MARCHF1: variants seen among roughly 807,000 people sequenced by gnomAD.
The protein encoded by MARCHF1 is membrane associated ring-CH-type finger 1.
MARCHF1 carries 40 observed loss-of-function variants against 54.2 expected under a neutral mutation model. The ratio of observed to expected loss-of-function variants is 0.74; its 90% CI spans 0.57 to 0.96. The LOEUF is 0.96. Ranked by LOEUF, MARCHF1 falls within the 40% of genes least tolerant of loss-of-function variation. The pLI is 0.00. For missense variants in MARCHF1, 586 were observed against 656.5 expected, an observed-to-expected ratio of 0.89 and a Z score of 1.17; for synonymous variants, 236 against 236.3, an observed-to-expected ratio of 1.00 and a Z score of 0.01.
chr4:164,197,083 T>C (rs765968898), intron 1 of MARCHF1: 1 of 1,606,770 alleles, frequency 6.2e-7, no homozygotes, highest in South Asian at 1.1e-5. Flanking sequence ...TCCATCGTTA[T>C]AACCTTCTTC....
At chr4:164,125,250 T>C (rs1756154294) in intron 1 of MARCHF1, among the ~76,000 whole-genome samples, 1 of 152,120 alleles carries the variant, frequency 6.6e-6, no homozygotes, top group South Asian at 2.1e-4. Context: ...CATGATCATC[T>C]CCATAAGTTC....
intron 1 of MARCHF1, among the ~76,000 whole-genome samples, chr4:164,176,799 G>A (rs1730674610): frequency 6.6e-6 from 1 of 151,278 alleles, no homozygotes; most frequent in Non-Finnish European, 1.5e-5. Context: ...CAAGCAATAG[G>A]TTTCTCAGGA....
At chr4:163,881,117 C>T (rs1750405688) in intron 3 of MARCHF1, among the ~76,000 whole-genome samples, 1 of 152,186 alleles carries the variant, frequency 6.6e-6, no homozygotes, top group Admixed American at 6.5e-5. Flanking sequence ...TTCATGATCT[C>T]ATCACATCCA....
intron 1 of MARCHF1, among the ~76,000 whole-genome samples, chr4:164,210,954 T>G (rs531753013): frequency 1.3e-5 from 2 of 152,146 alleles, no homozygotes; most frequent in African/African-American, 4.8e-5. Context: ...AAGCCAGGTA[T>G]AGAAAGACAA....
At chr4:163,597,050 G>A (rs1239633928) in intron 7 of MARCHF1, among the ~76,000 whole-genome samples, 2 of 152,066 alleles carry the variant, frequency 1.3e-5, no homozygotes, top group African/African-American at 2.4e-5. Flanking sequence ...CTGCCTCCTG[G>A]GTTCAAAGGA....
At chr4:164,115,060 A>G (rs1025878019) in intron 1 of MARCHF1, among the ~76,000 whole-genome samples, 2 of 152,034 alleles carry the variant, frequency 1.3e-5, no homozygotes, top group African/African-American at 4.8e-5. Flanking sequence ...TGCATCTTAT[A>G]TAAGAAAGTT....
intron 3 of MARCHF1, among the ~76,000 whole-genome samples, chr4:163,937,986 C>T (rs1368550596): frequency 1.3e-5 from 2 of 152,084 alleles, no homozygotes; most frequent in Non-Finnish European, 2.9e-5. Flanking sequence ...GTCAATGGCT[C>T]AAAACATATT....
chr4:164,130,214 C>T (rs1756271774), intron 1 of MARCHF1, among the ~76,000 whole-genome samples: 1 of 152,016 alleles, frequency 6.6e-6, no homozygotes, highest in Non-Finnish European at 1.5e-5. Context: ...TATACATAAG[C>T]ACATGTGGAT....
chr4:163,549,382 CT>C (rs1242770659), intron 8 of MARCHF1, among the ~76,000 whole-genome samples: 1 of 152,102 alleles, frequency 6.6e-6, no homozygotes, highest in African/African-American at 2.4e-5. Context: ...CTCAAGGAAG[CT>C]GGTGGAAATG....
intron 4 of MARCHF1, 41 bp downstream of exon 4, chr4:163,853,980 T>A: frequency 2.6e-6 from 4 of 1,525,178 alleles, no homozygotes; most frequent in Non-Finnish European, 2.6e-6. Context: ...GCATTCTATT[T>A]ACATATAAGC....
intron 4 of MARCHF1, among the ~76,000 whole-genome samples, chr4:163,738,782 G>C (rs553194811): frequency 1.3e-5 from 2 of 152,248 alleles, no homozygotes; most frequent in Non-Finnish European, 2.9e-5. Context: ...CTGGATAGAT[G>C]GCAGAAAAGC....
rs554258964 is a variant in MARCHF1, at chr4:163,557,950, A to C, written c.1192-12207T>G. Among the ~76,000 whole-genome samples, 72 of 152,328 alleles carry C rather than the reference A, an allele frequency of 4.7e-4. 1 individual carries two copies. The highest frequency in any genetic ancestry group is 8.1e-4 in the Non-Finnish European group (55 of 68,030). On this transcript the variant is annotated intron_variant, in intron 8 of 9. Transcript: ENST00000514618. ...CACTGAAAATGGAGCAGGAAGGTTT[A>C]ATATTCCCATTTAAACATCTCCTTT...
intron 1 of MARCHF1, among the ~76,000 whole-genome samples, chr4:164,178,235 G>A (rs1384909079): frequency 1.3e-5 from 2 of 152,134 alleles, no homozygotes; most frequent in African/African-American, 4.8e-5. Context: ...GTCTTGTTAG[G>A]AAAGGGGTAA....
At chr4:163,718,637 T>G (rs972217405) in intron 4 of MARCHF1, among the ~76,000 whole-genome samples, 5 of 152,214 alleles carry the variant, frequency 3.3e-5, no homozygotes, top group Non-Finnish European at 5.9e-5. Context: ...ATATTTGTGA[T>G]TGTTGTATAT....
chr4:163,542,774 G>A (rs2110906768), intron 9 of MARCHF1, among the ~76,000 whole-genome samples: 1 of 152,304 alleles, frequency 6.6e-6, no homozygotes, highest in South Asian at 2.1e-4. Flanking sequence ...GAACGCCCAG[G>A]TGATACTGAT....
intron 1 of MARCHF1, among the ~76,000 whole-genome samples, chr4:164,247,697 A>C (rs913466676): frequency 6.6e-6 from 1 of 151,496 alleles, no homozygotes; most frequent in African/African-American, 2.4e-5. Flanking sequence ...AAGGGGAATG[A>C]AATAGGGCAG....
chr4:163,541,551 A>G (rs1738723807), intron 9 of MARCHF1, among the ~76,000 whole-genome samples: 1 of 152,212 alleles, frequency 6.6e-6, no homozygotes, highest in Admixed American at 6.5e-5. Flanking sequence ...CGCAGGGGAA[A>G]GAGAGATGAG....
At chr4:163,761,056 T>G (rs917547341) in intron 4 of MARCHF1, among the ~76,000 whole-genome samples, 2 of 152,182 alleles carry the variant, frequency 1.3e-5, no homozygotes, top group African/African-American at 4.8e-5. Context: ...AAAATATGAC[T>G]CTTATAATAG....
intron 1 of MARCHF1, chr4:164,196,985 C>G: frequency 6.2e-7 from 1 of 1,603,742 alleles, no homozygotes; most frequent in Non-Finnish European, 8.5e-7. Context: ...TAGTCATCAT[C>G]TTCTCCCTCA....
Sources: gnomAD v4.1 joint callset for allele counts (sites outside exome capture counted in the v4.1 genomes callset) on GRCh38, gnomAD v4.1.1 for gene constraint, MANE v1.5 for transcripts, NCBI Gene and HGNC (gene_info 2026-07-23, HGNC 2026-07-21) for gene names.